The following CNST variants were observed in gnomAD, a reference collection of about 807,000 sequenced individuals.
CNST encodes the protein consortin.
CNST carries 39 observed loss-of-function variants against 72.4 expected under a neutral mutation model. The ratio of observed to expected loss-of-function variants is 0.54; its 90% CI spans 0.42 to 0.70. The LOEUF (loss-of-function observed/expected upper bound fraction) is 0.70, where lower values mean the gene tolerates loss of function less well. Among genes scored for constraint, CNST ranks in the 30% least tolerant of loss-of-function variants. The pLI is 0.00. For missense variants in CNST, 871 were observed against 868.5 expected, an observed-to-expected ratio of 1.00 and a Z score of -0.04; for synonymous variants, 332 against 320.1, an observed-to-expected ratio of 1.04 and a Z score of -0.40.
intron 2 of CNST, among the ~76,000 whole-genome samples, chr1:246,605,319 T>G (rs548323550): frequency 6.6e-6 from 1 of 152,228 alleles, no homozygotes; most frequent in South Asian, 2.1e-4. Context: ...CTCACACTTA[T>G]AATCCCAGCA....
intron 10 of CNST, 118 bp from the exon 11 acceptor site, chr1:246,665,582 C>T: frequency 3.8e-6 from 3 of 784,554 alleles, no homozygotes; most frequent in Non-Finnish European, 4.2e-6. Flanking sequence ...GTCAATACTT[C>T]CTATCCGTAG....
At position 246,644,457 on chromosome 1, in the gene CNST, A is replaced by G. The variant is rs185202545; in HGVS notation, c.937+2420A>G. Among the ~76,000 whole-genome samples, 3 of 152,062 alleles carry G rather than the reference A, an allele frequency of 2.0e-5. No homozygotes were observed. In the East Asian group the frequency reaches 5.8e-4, roughly 29 times the overall value. On this transcript the variant is annotated intron_variant, in intron 8 of 10. Transcript: ENST00000366513. The stretch of plus-strand genomic sequence containing the variant: ...AGAGCTTAGCCCTATTCAATCCTGA[A>G]CTTGATTTTCACATTTAAATCTCAC...
intron 8 of CNST, among the ~76,000 whole-genome samples, chr1:246,646,076 T>G (rs1003971516): frequency 7.2e-5 from 11 of 151,768 alleles, no homozygotes; most frequent in Non-Finnish European, 1.2e-4. Flanking sequence ...TCAGGAGATC[T>G]AAACCATCCT....
intron 9 of CNST, among the ~76,000 whole-genome samples, chr1:246,652,827 A>C (rs554980448): frequency 1.3e-5 from 2 of 150,282 alleles, no homozygotes; most frequent in East Asian, 3.9e-4. Flanking sequence ...ACACGGTGAA[A>C]CCCCGTCTCT....
At position 246,621,719 on chromosome 1, in the gene CNST, G is replaced by A. The variant is rs1385611442; in HGVS notation, c.585+85G>A. 3.4e-6 allele frequency: 4 copies of A among 1,184,632 alleles called. No individual in the cohort carries two copies. In the Admixed American group the frequency reaches 6.8e-5, roughly 20 times the overall value. The allele number at this position is 1,184,632 out of a possible 1,614,324, so 73.4% of individuals were successfully genotyped here. On this transcript the variant is annotated intron_variant, in intron 3 of 10. Coordinates refer to ENST00000366513, the MANE Select transcript of CNST (RefSeq NM_152609.3). Reference sequence around the variant, plus strand: ...TGATCTAAAATGCTGTCTTGGCTGGGCGCAGTGGCTCATGCCTGTAATCCC... The same window carrying A: ...TGATCTAAAATGCTGTCTTGGCTGGACGCAGTGGCTCATGCCTGTAATCCC...
intron 2 of CNST, among the ~76,000 whole-genome samples, chr1:246,598,680 G>C (rs1662052357): frequency 2.6e-5 from 4 of 152,282 alleles, no homozygotes; most frequent in Non-Finnish European, 5.9e-5. Flanking sequence ...GGTAATATCT[G>C]TACTGGCCAG....
intron 1 of CNST, among the ~76,000 whole-genome samples, chr1:246,586,431 G>A (rs1445204652): frequency 6.8e-6 from 1 of 147,348 alleles, no homozygotes; most frequent in Non-Finnish European, 1.5e-5. Flanking sequence ...ATCTATATAT[G>A]ATATATATGC....
At chr1:246,574,329 C>G (rs369864637) in intron 1 of CNST, among the ~76,000 whole-genome samples, 1 of 152,228 alleles carries the variant, frequency 6.6e-6, no homozygotes, top group African/African-American at 2.4e-5. Context: ...GCGTGAGCCA[C>G]CGCTCCCAGC....
At chr1:246,618,716 T>C (rs893193442) in intron 2 of CNST, among the ~76,000 whole-genome samples, 11 of 152,222 alleles carry the variant, frequency 7.2e-5, no homozygotes, top group African/African-American at 2.7e-4. Context: ...TTACATCATT[T>C]TATTTACCAA....
intron 3 of CNST, among the ~76,000 whole-genome samples, chr1:246,628,529 T>C (rs962638372): frequency 1.8e-4 from 27 of 152,268 alleles, no homozygotes; most frequent in Non-Finnish European, 4.4e-5. Flanking sequence ...TTTAAAGTTC[T>C]TGTTCTTAGG....
chr1:246,648,648 C>G (rs12130507), intron 9 of CNST, among the ~76,000 whole-genome samples: 3 of 152,032 alleles, frequency 2.0e-5, no homozygotes, highest in Non-Finnish European at 4.4e-5. Context: ...AGCACACTCA[C>G]GAAGGCGGCC....
chr1:246,635,270 T>C (rs1665125692), intron 6 of CNST, among the ~76,000 whole-genome samples: 1 of 151,860 alleles, frequency 6.6e-6, no homozygotes, highest in African/African-American at 2.4e-5. Context: ...CGTGTCGTTG[T>C]AGCAGGAGCA....
In CNST at chr1:246,647,528, C is replaced by A. The variant is rs565442755; in HGVS notation, c.1327C>A (p.Pro443Thr). ...GATTTCACCAGGCTGTGACCGTATA[C>A]CTCCTGCATTGATTTCTGAGGGTAA... ...PLISPGCDRIPPALISEGKYS... is the reference protein window; with the variant it reads ...PLISPGCDRITPALISEGKYS... Residue 443 changes from proline (P) to threonine (T), a missense_variant, in exon 9 of 11, where the codon CCT (proline) becomes ACT (threonine). Physicochemically the swap from Pro to Thr is conservative, Grantham distance 38 (BLOSUM62 -1). Transcript: ENST00000366513. 122 of 1,613,974 alleles carry A rather than the reference C, an allele frequency of 7.6e-5. No individual in the cohort carries two copies. In the South Asian group the frequency reaches 1.3e-3, roughly 17 times the overall value.
chr1:246,663,494 A>G (rs1311540080), intron 10 of CNST, among the ~76,000 whole-genome samples: 1 of 152,062 alleles, frequency 6.6e-6, no homozygotes, highest in African/African-American at 2.4e-5. Flanking sequence ...TAATCCCAGC[A>G]CTTTGGGAGG....
At chr1:246,604,327 T>C (rs1313824839) in intron 2 of CNST, among the ~76,000 whole-genome samples, 1 of 152,176 alleles carries the variant, frequency 6.6e-6, no homozygotes, top group Non-Finnish European at 1.5e-5. Flanking sequence ...GTTATTTGTC[T>C]CCACAAAATT....
At chr1:246,589,636 G>A (rs932129497) in intron 1 of CNST, among the ~76,000 whole-genome samples, 4 of 152,256 alleles carry the variant, frequency 2.6e-5, no homozygotes, top group East Asian at 1.9e-4. Context: ...ACCCAGTAAT[G>A]GGATGGCTGG....
At chr1:246,646,859 A>G (rs150494543) in intron 8 of CNST, among the ~76,000 whole-genome samples, 1 of 152,366 alleles carries the variant, frequency 6.6e-6, no homozygotes, top group East Asian at 1.9e-4. Context: ...AGTTCAGAAT[A>G]TCTTTTAAAC....
intron 3 of CNST, among the ~76,000 whole-genome samples, chr1:246,623,393 A>G (rs899322993): frequency 6.6e-5 from 10 of 152,186 alleles, no homozygotes; most frequent in African/African-American, 2.2e-4. Flanking sequence ...TGTAACAAAA[A>G]CGGATATGAT....
chr1:246,593,567 C>T (rs1287106061), intron 2 of CNST, among the ~76,000 whole-genome samples: 2 of 152,124 alleles, frequency 1.3e-5, no homozygotes, highest in Non-Finnish European at 2.9e-5. Context: ...TGGTCTCAAA[C>T]TCCTGACCTC....
Sources: allele counts gnomAD v4.1 joint callset (sites outside exome capture counted in the v4.1 genomes callset), GRCh38; gene constraint gnomAD v4.1.1; transcripts MANE v1.5; gene names NCBI Gene and HGNC (gene_info 2026-07-23, HGNC 2026-07-21).